FHIT: variants seen among roughly 807,000 people sequenced by gnomAD.
The protein encoded by FHIT is bis(5'-adenosyl)-triphosphatase.
Under a neutral mutation model 17.9 loss-of-function variants are expected in FHIT, and 19 were observed. That is an observed-to-expected ratio of 1.06 (90% CI 0.74 to 1.56). The LOEUF is 1.56. Among genes scored for constraint, FHIT ranks in the 40% most tolerant of loss-of-function variants. The probability of loss-of-function intolerance (pLI) is 0.00; values close to 1 mark genes in which losing one functional copy is unlikely to be tolerated. For missense variants in FHIT, 248 were observed against 189.2 expected, an observed-to-expected ratio of 1.31 and a Z score of -1.82; for synonymous variants, 81 against 69.7, an observed-to-expected ratio of 1.16 and a Z score of -0.81.
intron 5 of FHIT, among the ~76,000 whole-genome samples, chr3:60,070,675 CAG>C (rs72363363): frequency 0.084 from 12,806 of 152,124 alleles, 692 homozygotes; most frequent in African/African-American, 0.16. Flanking sequence ...CACAGGCAAA[CAG>C]AGTGGGCCCA....
chr3:60,600,848 A>T (rs1293148095), intron 4 of FHIT, among the ~76,000 whole-genome samples: 1 of 152,208 alleles, frequency 6.6e-6, no homozygotes, highest in East Asian at 1.9e-4. Context: ...TTATGAGAAG[A>T]TGCCCCCTCT....
At chr3:59,942,957 C>G (rs750486667) in intron 7 of FHIT, among the ~76,000 whole-genome samples, 136 of 152,044 alleles carry the variant, frequency 8.9e-4, no homozygotes, top group Non-Finnish European at 1.6e-3. Flanking sequence ...CTTCCTAGTT[C>G]TCTATAGGAG....
chr3:60,318,076 G>A (rs184170039), intron 5 of FHIT, among the ~76,000 whole-genome samples: 1 of 152,040 alleles, frequency 6.6e-6, no homozygotes, highest in Admixed American at 6.5e-5. Context: ...ACAGGCATGA[G>A]CCACCATGCC....
At chr3:60,406,424 T>C (rs1326560864) in intron 5 of FHIT, among the ~76,000 whole-genome samples, 1 of 152,200 alleles carries the variant, frequency 6.6e-6, no homozygotes, top group African/African-American at 2.4e-5. Flanking sequence ...CTATTACTGC[T>C]AGCCTGGCAG....
intron 3 of FHIT, among the ~76,000 whole-genome samples, chr3:60,889,907 T>C (rs564298844): frequency 6.6e-6 from 1 of 152,310 alleles, no homozygotes; most frequent in East Asian, 1.9e-4. Context: ...CTCATATTGA[T>C]CCTTTAAGAT....
intron 5 of FHIT, among the ~76,000 whole-genome samples, chr3:60,435,233 T>C (rs956568505): frequency 3.9e-5 from 6 of 152,112 alleles, no homozygotes; most frequent in African/African-American, 1.4e-4. Context: ...TCCAGTCCTT[T>C]ACAGACATTT....
chr3:60,496,962 A>T (rs72882135), intron 5 of FHIT, among the ~76,000 whole-genome samples: 9,519 of 148,132 alleles, frequency 0.064, 603 homozygotes, highest in East Asian at 0.31. Context: ...AAACAAATAA[A>T]AACAAAAAAC....
intron 5 of FHIT, among the ~76,000 whole-genome samples, chr3:60,105,784 A>T (rs1283051257): frequency 6.6e-6 from 1 of 152,140 alleles, no homozygotes; most frequent in Admixed American, 6.5e-5. Flanking sequence ...ATCATGAAGT[A>T]TTTTACTTTT....
intron 5 of FHIT, among the ~76,000 whole-genome samples, chr3:60,412,681 G>A (rs1356704324): frequency 6.6e-6 from 1 of 152,128 alleles, no homozygotes; most frequent in Non-Finnish European, 1.5e-5. Flanking sequence ...CCTAGGAAGG[G>A]ACTGAGCAGA....
intron 4 of FHIT, among the ~76,000 whole-genome samples, chr3:60,567,237 G>T (rs993059827): frequency 5.3e-5 from 8 of 152,036 alleles, no homozygotes; most frequent in Non-Finnish European, 1.2e-4. Flanking sequence ...AACCAAAACA[G>T]CATGGTACTG....
At chr3:59,779,901 C>T (rs79914049) in intron 8 of FHIT, among the ~76,000 whole-genome samples, 1,910 of 152,302 alleles carry the variant, frequency 0.013, 37 homozygotes, top group African/African-American at 0.043. Context: ...TTCTAAAGTG[C>T]ATGACCACAC....
chr3:60,645,069 G>C (rs896478949), intron 4 of FHIT, among the ~76,000 whole-genome samples: 1 of 151,880 alleles, frequency 6.6e-6, no homozygotes, highest in South Asian at 2.1e-4. Context: ...GGTGGCCAGG[G>C]ATCCCCCATC....
chr3:60,099,011 G>T (rs896957977), intron 5 of FHIT, among the ~76,000 whole-genome samples: 2 of 152,094 alleles, frequency 1.3e-5, no homozygotes, highest in African/African-American at 4.8e-5. Flanking sequence ...TGATATAGTA[G>T]AGTGCTTAGA....
intron 8 of FHIT, among the ~76,000 whole-genome samples, chr3:59,842,848 ACT>A (rs1701582610): frequency 6.7e-6 from 1 of 148,778 alleles, no homozygotes; most frequent in Non-Finnish European, 1.5e-5. Flanking sequence ...ATTTTTTCTC[ACT>A]CTGTGGGTTG....
At chr3:61,234,967 A>T (rs537784999) in intron 1 of FHIT, among the ~76,000 whole-genome samples, 1 of 152,350 alleles carries the variant, frequency 6.6e-6, no homozygotes, top group South Asian at 2.1e-4. Flanking sequence ...AGGTTTTGAT[A>T]CTGCTAATTT....
intron 5 of FHIT, among the ~76,000 whole-genome samples, chr3:60,379,835 C>G (rs571071448): frequency 1.3e-5 from 2 of 152,190 alleles, no homozygotes; most frequent in South Asian, 2.1e-4. Context: ...ATGTGCGTTG[C>G]AAAAGAATAC....
At chr3:60,753,421 C>T (rs2042508778) in intron 4 of FHIT, among the ~76,000 whole-genome samples, 1 of 152,092 alleles carries the variant, frequency 6.6e-6, no homozygotes, top group African/African-American at 2.4e-5. Flanking sequence ...GCTGGCAGAG[C>T]AGAGGGCGGA....
intron 5 of FHIT, among the ~76,000 whole-genome samples, chr3:60,188,436 TAC>T (rs1417114124): frequency 2.0e-5 from 3 of 152,162 alleles, no homozygotes; most frequent in African/African-American, 7.2e-5. Flanking sequence ...TGTAAAATTA[TAC>T]ACAACCAAGA....
chr3:60,259,753 A>G (rs1405199017), intron 5 of FHIT, among the ~76,000 whole-genome samples: 1 of 152,082 alleles, frequency 6.6e-6, no homozygotes, highest in East Asian at 1.9e-4. Flanking sequence ...TCATGTTTCA[A>G]TAATGCACCC....
Sources: allele counts gnomAD v4.1 joint callset (sites outside exome capture counted in the v4.1 genomes callset), GRCh38; gene constraint gnomAD v4.1.1; transcripts MANE v1.5; gene names NCBI Gene and HGNC (gene_info 2026-07-23, HGNC 2026-07-21).